SYT16: variants seen among roughly 807,000 people sequenced by gnomAD.
SYT16 encodes the protein synaptotagmin 16.
SYT16 carries 42 observed loss-of-function variants against 61.4 expected under a neutral mutation model. That is an observed-to-expected ratio of 0.68 (90% CI 0.53 to 0.89). The LOEUF is 0.89. Ranked by LOEUF, SYT16 falls within the 40% of genes least tolerant of loss-of-function variation. SYT16 has a pLI of 0.00. For synonymous variants in SYT16, 314 were observed against 302.3 expected (o/e 1.04, Z -0.40); for missense variants, 804 against 807.3 (o/e 1.00, Z 0.05).
chr14:62,071,737 T>C (rs1273269593), intron 4 of SYT16, among the ~76,000 whole-genome samples: 1 of 152,240 alleles, frequency 6.6e-6, no homozygotes, highest in Non-Finnish European at 1.5e-5. Context: ...TTAGCTGTTT[T>C]ATTCCACTGT....
At chr14:62,080,233 A>T (rs1041382596) in intron 5 of SYT16, among the ~76,000 whole-genome samples, 3 of 152,248 alleles carry the variant, frequency 2.0e-5, no homozygotes, top group Admixed American at 6.5e-5. Context: ...CCTGTCCCAG[A>T]AATGGCAGGA....
At chr14:61,995,655 C>G (rs574341407) in intron 2 of SYT16, among the ~76,000 whole-genome samples, 1 of 152,216 alleles carries the variant, frequency 6.6e-6, no homozygotes, top group South Asian at 2.1e-4. Context: ...GAACAGAACC[C>G]ATTACTGCTA....
At chr14:61,970,690 G>A (rs2051508950) in intron 2 of SYT16, among the ~76,000 whole-genome samples, 2 of 152,152 alleles carry the variant, frequency 1.3e-5, no homozygotes, top group South Asian at 2.1e-4. Flanking sequence ...TCCAAAGGGA[G>A]GTTTTTACTC....
At chr14:62,087,281 G>A (rs2056917583) in intron 7 of SYT16, among the ~76,000 whole-genome samples, 1 of 152,244 alleles carries the variant, frequency 6.6e-6, no homozygotes, top group African/African-American at 2.4e-5. Flanking sequence ...CTGTGAGTGG[G>A]GAAAGGCGGA....
rs1364943468 is a variant in SYT16, at chr14:62,100,546, A to T, written c.1777A>T (p.Ile593Phe). ...LFQLSDVTLMISVYNRRTMKR... is the reference protein window; with the variant it reads ...LFQLSDVTLMFSVYNRRTMKR... ...TCAGCTGTCTGATGTCACGTTGATG[A>T]TTTCCGTTTATAACAGGCGTACTAT... The change falls in exon 8 of 8, where the codon ATT becomes TTT. Residue 593 changes from isoleucine (I) to phenylalanine (F), a missense_variant. Ile to Phe is a conservative substitution (Grantham distance 21). Transcript: ENST00000683842. 1.9e-6 allele frequency: 3 copies of T among 1,613,660 alleles called. No homozygotes were observed. Among genetic ancestry groups the T allele is most frequent in the Non-Finnish European group, 8.5e-7 (1 of 1,179,838 alleles).
At chr14:61,946,371 C>A (rs571992630) in intron 1 of SYT16, among the ~76,000 whole-genome samples, 7 of 152,208 alleles carry the variant, frequency 4.6e-5, no homozygotes, top group African/African-American at 1.7e-4. Context: ...AATATCCACT[C>A]ATGGATAGAG....
At chr14:62,002,364 A>G (rs924227030) in intron 3 of SYT16, among the ~76,000 whole-genome samples, 4 of 152,114 alleles carry the variant, frequency 2.6e-5, no homozygotes, top group African/African-American at 2.4e-5. Flanking sequence ...TTTGTTACAC[A>G]GTTTTGTCAA....
At chr14:62,088,106 G>A (rs1321430913) in intron 7 of SYT16, among the ~76,000 whole-genome samples, 1 of 152,082 alleles carries the variant, frequency 6.6e-6, no homozygotes, top group African/African-American at 2.4e-5. Context: ...TAGCAGTTAC[G>A]TTCTTGGGCA....
At chr14:61,973,617 G>T (rs910331976) in intron 2 of SYT16, among the ~76,000 whole-genome samples, 25 of 152,134 alleles carry the variant, frequency 1.6e-4, no homozygotes, top group Non-Finnish European at 2.1e-4. Context: ...GAGAGAAGGC[G>T]GGAGAGAGAA....
At chr14:62,078,172 A>AAACACACACAC (rs1555382591) in intron 5 of SYT16, among the ~76,000 whole-genome samples, 2 of 128,782 alleles carry the variant, frequency 1.6e-5, no homozygotes, top group Non-Finnish European at 1.6e-5. Flanking sequence ...TATATATATA[A>AAACACACACAC]ACACACACAC....
chr14:61,873,381 A>G (rs1043866751), intron 1 of SYT16, among the ~76,000 whole-genome samples: 2 of 152,116 alleles, frequency 1.3e-5, no homozygotes, highest in Admixed American at 6.6e-5. Context: ...TCTTTCTGTC[A>G]TGCTGGGTTT....
intron 1 of SYT16, among the ~76,000 whole-genome samples, chr14:61,881,274 C>G (rs2140319238): frequency 6.6e-6 from 1 of 152,306 alleles, no homozygotes; most frequent in African/African-American, 2.4e-5. Flanking sequence ...CATTTATGTC[C>G]CTTTCTAGCC....
At chr14:61,883,637 G>A (rs2047783078) in intron 1 of SYT16, among the ~76,000 whole-genome samples, 1 of 152,108 alleles carries the variant, frequency 6.6e-6, no homozygotes. Flanking sequence ...TCCATCCTAT[G>A]CCTGTTATCC....
intron 1 of SYT16, among the ~76,000 whole-genome samples, chr14:61,915,804 A>ATTGCTTCT (rs1566677280): frequency 6.6e-6 from 1 of 152,234 alleles, no homozygotes; most frequent in Non-Finnish European, 1.5e-5. Flanking sequence ...AATGCTGAAG[A>ATTGCTTCT]ACCCATTTGA....
At chr14:61,915,757 T>C (rs2049099046) in intron 1 of SYT16, among the ~76,000 whole-genome samples, 1 of 152,250 alleles carries the variant, frequency 6.6e-6, no homozygotes, top group Non-Finnish European at 1.5e-5. Context: ...CTTTGTCAAT[T>C]GATCTTTCTA....
intron 1 of SYT16, chr14:61,865,197 A>C (rs371284051): frequency 1.4e-5 from 16 of 1,132,802 alleles, no homozygotes; most frequent in Non-Finnish European, 2.1e-5. Context: ...GTCACTGACT[A>C]TAAGCGACTT....
At position 62,011,868 on chromosome 14, in the gene SYT16, T is replaced by TACACACACAC. The variant is rs1491125020; in HGVS notation, c.523+15327_523+15328insCACACACACA. Among the ~76,000 whole-genome samples, 11 of 62,178 alleles carry TACACACACAC rather than the reference T, an allele frequency of 1.8e-4. No individual in the cohort carries two copies. In the South Asian group the frequency reaches 4.6e-3, roughly 26 times the overall value. 40.8% of individuals were successfully genotyped at this position (62,178 alleles called of 152,430 possible). ...ATGTCTACCACAAGTCAGGGAACAC[T>TACACACACAC]ATATATACACACACACACACACACA... is the stretch of plus-strand genomic sequence containing the variant. On this transcript the variant is annotated intron_variant, in intron 3 of 7. Coordinates refer to ENST00000683842, the MANE Select transcript of SYT16 (RefSeq NM_001367656.1).
rs538610590 is a variant in SYT16 at position 61,966,250 on chromosome 14, A to T, written c.-324-3882A>T. On this transcript the variant is annotated intron_variant, in intron 1 of 7. Transcript: ENST00000683842. ...GGAGATTATATTGAATAATCTCTTC[A>T]TATTACCTTCAATCTGTGAATGTTT... Among the ~76,000 whole-genome samples the T allele has an allele frequency of 3.9e-5, 6 of 152,212 alleles. No homozygotes were observed. The South Asian group carries it at 1.2e-3, about 32-fold the overall frequency.
intron 3 of SYT16, among the ~76,000 whole-genome samples, chr14:62,064,713 TTA>T (rs1338404242): frequency 6.6e-6 from 1 of 152,168 alleles, no homozygotes; most frequent in African/African-American, 2.4e-5. Context: ...TTATAAACTG[TTA>T]TGACTGTGGC....
Sources: allele counts gnomAD v4.1 joint callset (sites outside exome capture counted in the v4.1 genomes callset), GRCh38; gene constraint gnomAD v4.1.1; transcripts MANE v1.5; gene names NCBI Gene and HGNC (gene_info 2026-07-23, HGNC 2026-07-21).